TMEM255B: variants seen among roughly 807,000 people sequenced by gnomAD.
TMEM255B encodes transmembrane protein 255B, also known as family with sequence similarity 70, member B.
In TMEM255B, 35 loss-of-function variants were observed where a neutral mutation model predicts 34.5. The observed-to-expected ratio is 1.01, with a 90% confidence interval of 0.77 to 1.34. The LOEUF is 1.34. Among genes scored for constraint, TMEM255B ranks in the 40% most tolerant of loss-of-function variants. The pLI is 0.00. For synonymous variants in TMEM255B, 206 were observed against 201.2 expected, an observed-to-expected ratio of 1.02 and a Z score of -0.20; for missense variants, 432 against 433.2, an observed-to-expected ratio of 1.00 and a Z score of 0.02.
At position 113,812,068 on chromosome 13, in the gene TMEM255B, C is replaced by G; in HGVS notation, c.*165C>G. The G allele has an allele frequency of 1.1e-6, 1 of 933,746 alleles. No homozygotes were observed. The allele number at this position is 933,746 out of a possible 1,614,324, so 57.8% of individuals were successfully genotyped here. ...GGCACACTGGTGAGGGAGGCTGGAA[C>G]CAGGCAGGGAGTGGGGCCCTCCAGA... On this transcript the variant is annotated 3_prime_UTR_variant, in exon 9 of 9. Transcript: ENST00000375353.
chr13:113,763,108 GTGTTA>G (rs2050334403), intron 1 of TMEM255B, among the ~76,000 whole-genome samples: 1 of 152,202 alleles, frequency 6.6e-6, no homozygotes, highest in Non-Finnish European at 1.5e-5. Context: ...GCATTGGCAG[GTGTTA>G]CATGGAGGCT....
At chr13:113,794,044 G>A (rs896435881) in intron 3 of TMEM255B, among the ~76,000 whole-genome samples, 6 of 152,356 alleles carry the variant, frequency 3.9e-5, no homozygotes, top group Non-Finnish European at 8.8e-5. Context: ...TTTGGGTTGC[G>A]GGTGACGATA....
intron 1 of TMEM255B, among the ~76,000 whole-genome samples, chr13:113,765,205 C>T (rs1306130518): frequency 2.0e-5 from 3 of 152,208 alleles, no homozygotes; most frequent in Admixed American, 1.3e-4. Context: ...AGGCCACGCC[C>T]TTGCTGGGTC....
chr13:113,784,666 C>T (rs1047705301), intron 3 of TMEM255B, among the ~76,000 whole-genome samples: 9 of 152,216 alleles, frequency 5.9e-5, no homozygotes, highest in African/African-American at 2.2e-4. Flanking sequence ...TTTGAGAGCC[C>T]ACTGGGGAGT....
In TMEM255B at chr13:113,801,540, C is replaced by A. The variant is rs1430777100; in HGVS notation, c.510-113C>A. ...GCAGGGATGGGCGTTGACTGGGCTC[C>A]AGCCCTGATTTCCTCCCCCAGCCCT... On this transcript the variant is annotated intron_variant, in intron 6 of 8. Transcript: ENST00000375353. 5 of 1,267,028 alleles carry A rather than the reference C, an allele frequency of 3.9e-6. No individual in the cohort carries two copies. The Admixed American group carries it at 1.4e-4, about 35-fold the overall frequency. 78.5% of individuals were successfully genotyped at this position (1,267,028 alleles called of 1,614,324 possible). A position where few individuals can be genotyped will look rare whatever the true frequency, so the allele number is the denominator to read the frequency against.
At chr13:113,783,546 C>T (rs558908659) in intron 3 of TMEM255B, among the ~76,000 whole-genome samples, 1 of 152,256 alleles carries the variant, frequency 6.6e-6, no homozygotes, top group African/African-American at 2.4e-5. Context: ...GAGAAAGATT[C>T]CAGGTGCTGT....
intron 3 of TMEM255B, among the ~76,000 whole-genome samples, chr13:113,774,402 C>T (rs180699117): frequency 6.6e-6 from 1 of 152,328 alleles, no homozygotes. Context: ...AGCTCTGTAA[C>T]CTGGCACAGT....
At position 113,782,678 on chromosome 13, in the gene TMEM255B, G is replaced by C. The variant is rs61275480; in HGVS notation, c.253-12470G>C. 1.5e-4 allele frequency among the ~76,000 whole-genome samples: 22 copies of C among 151,428 alleles called. No individual in the cohort carries two copies. In the East Asian group the frequency reaches 3.7e-3, roughly 26 times the overall value. On this transcript the variant is annotated intron_variant, in intron 3 of 8. Coordinates refer to ENST00000375353, the MANE Select transcript of TMEM255B (RefSeq NM_182614.4). The stretch of plus-strand genomic sequence containing the variant: ...GATTTCCTCCTGTGATGGTCGGAGG[G>C]GGGGGCTTCATTATGAGCCCCACCT...
chr13:113,780,037 G>A (rs1347849518), intron 3 of TMEM255B, among the ~76,000 whole-genome samples: 2 of 152,204 alleles, frequency 1.3e-5, no homozygotes, highest in East Asian at 3.8e-4. Context: ...TTTATAGAAG[G>A]AATCTGAGAT....
chr13:113,791,399 C>G (rs988556443), intron 3 of TMEM255B, among the ~76,000 whole-genome samples: 2 of 152,210 alleles, frequency 1.3e-5, no homozygotes, highest in East Asian at 1.9e-4. Flanking sequence ...CCTGGGATGG[C>G]TTCGGCTCCC....
chr13:113,811,571 G>T (rs1268628083), intron 8 of TMEM255B, among the ~76,000 whole-genome samples, 165 bp from the exon 9 acceptor site: 1 of 144,716 alleles, frequency 6.9e-6, no homozygotes, highest in Non-Finnish European at 1.5e-5. Flanking sequence ...GAATAGCCCT[G>T]GGTCTGCGGG....
At chr13:113,778,172 C>T (rs1207610196) in intron 3 of TMEM255B, among the ~76,000 whole-genome samples, 1 of 152,222 alleles carries the variant, frequency 6.6e-6, no homozygotes, top group Non-Finnish European at 1.5e-5. Context: ...TCTGGCAGAA[C>T]CCTGCAGTAT....
intron 3 of TMEM255B, among the ~76,000 whole-genome samples, chr13:113,782,715 G>A (rs546761412): frequency 6.6e-6 from 1 of 152,200 alleles, no homozygotes; most frequent in African/African-American, 2.4e-5. Flanking sequence ...AACGGGGAAG[G>A]TGTCCCTGTT....
rs73584243 is a variant in TMEM255B, at chr13:113,776,859, G to A, written c.252+7699G>A. On this transcript the variant is annotated intron_variant, in intron 3 of 8. Coordinates refer to ENST00000375353, the MANE Select transcript of TMEM255B (RefSeq NM_182614.4). ...AAAAGCTCCTCCTCGTTCTGCAGCA[G>A]AGCTACACCCCATGCTGAGCATCCC... 2.2e-3 allele frequency among the ~76,000 whole-genome samples: 333 copies of A among 152,272 alleles called. 2 individuals are homozygous for A. The highest frequency in any genetic ancestry group is 7.8e-3 in the African/African-American group (325 of 41,534).
intron 8 of TMEM255B, among the ~76,000 whole-genome samples, chr13:113,805,664 G>A (rs1201433367): frequency 6.6e-6 from 1 of 152,260 alleles, no homozygotes; most frequent in African/African-American, 2.4e-5. Context: ...GCCAACCGCT[G>A]TGCTGGGGCA....
chr13:113,761,248 TC>T, intron 1 of TMEM255B: 1 of 985,326 alleles, frequency 1.0e-6, no homozygotes, highest in Non-Finnish European at 1.2e-6. Context: ...CAGTGCCACC[TC>T]CCATGCTTTG....
At chr13:113,778,388 G>A (rs139889606) in intron 3 of TMEM255B, among the ~76,000 whole-genome samples, 31 of 152,214 alleles carry the variant, frequency 2.0e-4, no homozygotes, top group Middle Eastern at 3.4e-3. Context: ...GTCTTCTCCC[G>A]GGTGAGTCCC....
chr13:113,761,215 C>T, intron 1 of TMEM255B: 1 of 985,346 alleles, frequency 1.0e-6, no homozygotes, highest in Non-Finnish European at 1.2e-6. Flanking sequence ...GGCAGGAAGG[C>T]CGGATCTTAG....
At position 113,815,400 on chromosome 13, in the gene TMEM255B, A is replaced by C. The variant is rs968427974; in HGVS notation, c.*3497A>C. ...ACATGGGGTCACCGGCCACGGAGAG[A>C]GGAAGGGACATGGGTGATATGGTTT... On this transcript the variant is annotated 3_prime_UTR_variant, in exon 9 of 9. Coordinates refer to ENST00000375353, the MANE Select transcript of TMEM255B (RefSeq NM_182614.4). 57 of 149,842 alleles carry C rather than the reference A, an allele frequency of 3.8e-4. 3 individuals carry two copies. Among genetic ancestry groups the C allele is most frequent in the Non-Finnish European group, 8.9e-5 (6 of 67,672 alleles). The allele number at this position is 149,842 out of a possible 1,614,324, so 9.3% of individuals were successfully genotyped here.
Sources: gnomAD v4.1 joint callset for allele counts (sites outside exome capture counted in the v4.1 genomes callset) on GRCh38, gnomAD v4.1.1 for gene constraint, MANE v1.5 for transcripts, NCBI Gene and HGNC (gene_info 2026-07-23, HGNC 2026-07-21) for gene names.